Variants in UMAD1 observed in about 807,000 individuals in gnomAD.
The protein encoded by UMAD1 is UBAP1-MVB12-associated (UMA)-domain containing protein 1.
In UMAD1, 8 loss-of-function variants were observed where a neutral mutation model predicts 6.1. The ratio of observed to expected loss-of-function variants is 1.30; its 90% CI spans 0.76 to 2.35. The LOEUF is 2.35. Ranked by LOEUF, UMAD1 falls within the 30% of genes most tolerant of loss-of-function variation. The pLI is 0.00. For missense variants in UMAD1, 130 were observed against 78.4 expected (o/e 1.66, Z -2.49); for synonymous variants, 56 against 31.4 (o/e 1.78, Z -2.61).
At chr7:7,774,007 A>G (rs1782152694) in intron 2 of UMAD1, among the ~76,000 whole-genome samples, 1 of 152,150 alleles carries the variant, frequency 6.6e-6, no homozygotes, top group African/African-American at 2.4e-5. Flanking sequence ...CTCACCACAG[A>G]CCCTAAGAAA....
At chr7:7,664,361 T>A (rs1362064421) in intron 1 of UMAD1, among the ~76,000 whole-genome samples, 1 of 152,204 alleles carries the variant, frequency 6.6e-6, no homozygotes, top group Non-Finnish European at 1.5e-5. Flanking sequence ...TCTAGCATGC[T>A]ATTTTACATT....
At chr7:7,863,110 G>T (rs1213819614) in intron 3 of UMAD1, among the ~76,000 whole-genome samples, 2 of 152,174 alleles carry the variant, frequency 1.3e-5, no homozygotes, top group African/African-American at 4.8e-5. Context: ...TCTGGACACA[G>T]GGGATACATA....
intron 2 of UMAD1, among the ~76,000 whole-genome samples, chr7:7,778,561 G>A (rs939222721): frequency 1.1e-4 from 16 of 151,818 alleles, no homozygotes; most frequent in Admixed American, 7.2e-4. Context: ...GGCTACAGGC[G>A]TGTGCCACCA....
chr7:7,780,307 C>G (rs1444788687), intron 2 of UMAD1, among the ~76,000 whole-genome samples: 1 of 152,200 alleles, frequency 6.6e-6, no homozygotes, highest in Non-Finnish European at 1.5e-5. Flanking sequence ...CTCTGTCCCT[C>G]CCAACTACCC....
At chr7:7,848,446 T>C (rs1024084193) in intron 3 of UMAD1, among the ~76,000 whole-genome samples, 10 of 152,160 alleles carry the variant, frequency 6.6e-5, no homozygotes, top group Admixed American at 3.9e-4. Flanking sequence ...ATCTGGTGTC[T>C]AAAGTGTTCA....
intron 1 of UMAD1, among the ~76,000 whole-genome samples, chr7:7,652,680 G>A (rs940624210): frequency 6.6e-6 from 1 of 152,170 alleles, no homozygotes; most frequent in Non-Finnish European, 1.5e-5. Context: ...TTTGTCTAGG[G>A]CCTACCACAG....
At chr7:7,837,132 C>T (rs1209459684) in intron 3 of UMAD1, among the ~76,000 whole-genome samples, 1 of 152,008 alleles carries the variant, frequency 6.6e-6, no homozygotes, top group Non-Finnish European at 1.5e-5. Context: ...TTGTCAGTAA[C>T]AGCACTGGAT....
At chr7:7,867,948 T>TG (rs1025444892) in intron 3 of UMAD1, among the ~76,000 whole-genome samples, 1 of 151,460 alleles carries the variant, frequency 6.6e-6, no homozygotes, top group Non-Finnish European at 1.5e-5. Flanking sequence ...ATACATTTGT[T>TG]GGGGGGTAGA....
chr7:7,683,745 C>G lies in UMAD1; in HGVS notation c.82+10292C>G, dbSNP rs1779970404. Among the ~76,000 whole-genome samples the G allele has an allele frequency of 2.0e-5, 3 of 152,086 alleles. No individual in the cohort carries two copies. The South Asian group carries it at 6.2e-4, about 32-fold the overall frequency. On this transcript the variant is annotated intron_variant, in intron 2 of 3. Transcript: ENST00000682710. ...TCAAGTGATTCTCCTGCCTCAGCCT[C>G]CCAAGTAGCTGGGATTACAGGCATG...
At chr7:7,852,544 G>T (rs1476927009) in intron 3 of UMAD1, among the ~76,000 whole-genome samples, 1 of 152,098 alleles carries the variant, frequency 6.6e-6, no homozygotes, top group Non-Finnish European at 1.5e-5. Flanking sequence ...TACTAGAGTG[G>T]CTCACAGAAC....
chr7:7,744,599 T>TG (rs547827988), intron 2 of UMAD1, among the ~76,000 whole-genome samples: 6 of 152,030 alleles, frequency 3.9e-5, no homozygotes, highest in South Asian at 2.1e-4. Context: ...TACTGTTTTT[T>TG]TTTTTTTTTT....
At chr7:7,646,337 C>G (rs1322546901) in intron 1 of UMAD1, among the ~76,000 whole-genome samples, 1 of 151,978 alleles carries the variant, frequency 6.6e-6, no homozygotes, top group Non-Finnish European at 1.5e-5. Flanking sequence ...TGAATTGTAG[C>G]TCCCATAATT....
chr7:7,674,967 A>G (rs1296676872), intron 2 of UMAD1, among the ~76,000 whole-genome samples: 1 of 152,076 alleles, frequency 6.6e-6, no homozygotes, highest in Admixed American at 6.5e-5. Flanking sequence ...CTTAACACAT[A>G]TACAGGGAAC....
At chr7:7,691,051 T>C (rs6966464) in intron 2 of UMAD1, among the ~76,000 whole-genome samples, 100,838 of 152,050 alleles carry the variant, frequency 0.66, 33,547 homozygotes, top group East Asian at 0.87. Context: ...ACCTGTATTT[T>C]TCAATTTGTG....
At chr7:7,876,119 A>G (rs189025145) in intron 3 of UMAD1, among the ~76,000 whole-genome samples, 1 of 152,218 alleles carries the variant, frequency 6.6e-6, no homozygotes, top group Non-Finnish European at 1.5e-5. Context: ...CCTCATTGAG[A>G]TGGCATCTGG....
At chr7:7,751,764 C>T (rs1781682119) in intron 2 of UMAD1, among the ~76,000 whole-genome samples, 1 of 152,140 alleles carries the variant, frequency 6.6e-6, no homozygotes, top group African/African-American at 2.4e-5. Context: ...CACAGACCTC[C>T]TCCAAGGCTC....
chr7:7,659,426 T>A (rs1361923733), intron 1 of UMAD1, among the ~76,000 whole-genome samples: 1 of 152,218 alleles, frequency 6.6e-6, no homozygotes, highest in Non-Finnish European at 1.5e-5. Flanking sequence ...TTTCCCACTT[T>A]CTCTTGTTGG....
intron 1 of UMAD1, among the ~76,000 whole-genome samples, chr7:7,664,224 A>C (rs2108000): frequency 0.64 from 97,171 of 151,852 alleles, 31,497 homozygotes; most frequent in East Asian, 0.87. Context: ...TTTCTTATTC[A>C]TAATACCACT....
intron 1 of UMAD1, among the ~76,000 whole-genome samples, chr7:7,652,927 C>T (rs767567318): frequency 3.3e-5 from 5 of 152,048 alleles, no homozygotes; most frequent in Admixed American, 6.6e-5. Context: ...TTAAAATGAG[C>T]GAGCAAATAG....
Sources: allele counts gnomAD v4.1 joint callset (sites outside exome capture counted in the v4.1 genomes callset), GRCh38; gene constraint gnomAD v4.1.1; transcripts MANE v1.5; gene names NCBI Gene and HGNC (gene_info 2026-07-23, HGNC 2026-07-21).